Variants in RASGRF2 observed in about 807,000 individuals in gnomAD.
RASGRF2 encodes the protein Ras protein specific guanine nucleotide releasing factor 2.
Under a neutral mutation model 151.0 loss-of-function variants are expected in RASGRF2, and 76 were observed. That is an observed-to-expected ratio of 0.50 (90% CI 0.42 to 0.61). The LOEUF (loss-of-function observed/expected upper bound fraction) is 0.61, where lower values mean the gene tolerates loss of function less well. Among genes scored for constraint, RASGRF2 ranks in the 20% least tolerant of loss-of-function variants. The pLI is 0.00. For synonymous variants in RASGRF2, 504 were observed against 566.5 expected, an observed-to-expected ratio of 0.89 and a Z score of 1.57; for missense variants, 1,148 against 1,564.6, an observed-to-expected ratio of 0.73 and a Z score of 4.49.
At chr5:81,015,157 C>A (rs1247356352) in intron 1 of RASGRF2, among the ~76,000 whole-genome samples, 1 of 152,094 alleles carries the variant, frequency 6.6e-6, no homozygotes, top group Non-Finnish European at 1.5e-5. Flanking sequence ...TTATTTCAAT[C>A]GGCACACTAC....
intron 16 of RASGRF2, among the ~76,000 whole-genome samples, chr5:81,125,325 C>G (rs576817003): frequency 1.3e-3 from 197 of 152,290 alleles, no homozygotes; most frequent in Non-Finnish European, 2.1e-3. Flanking sequence ...GCTCTGAGAG[C>G]AACTAGGAAG....
intron 2 of RASGRF2, among the ~76,000 whole-genome samples, chr5:81,051,497 C>G (rs1751009662): frequency 1.3e-5 from 2 of 152,158 alleles, no homozygotes; most frequent in African/African-American, 4.8e-5. Context: ...TCCCCACTTC[C>G]CCTAGCTCTA....
chr5:80,971,819 C>T (rs1747944758), intron 1 of RASGRF2, among the ~76,000 whole-genome samples: 2 of 152,090 alleles, frequency 1.3e-5, no homozygotes, highest in Non-Finnish European at 1.5e-5. Flanking sequence ...ATCTGCTCCC[C>T]CTTGGCCTCC....
In RASGRF2 at chr5:80,985,544, G is replaced by A. The variant is rs572006743; in HGVS notation, c.288+24518G>A. On this transcript the variant is annotated intron_variant, in intron 1 of 26. Transcript: ENST00000265080. Reference sequence around the variant, plus strand: ...AGCATTAGCCCCAGAGATTAGTCACGTGTTGCAAACAAATTGTTTTGGTAG... The same window carrying A: ...AGCATTAGCCCCAGAGATTAGTCACATGTTGCAAACAAATTGTTTTGGTAG... Among the ~76,000 whole-genome samples, 38 of 152,280 alleles carry A rather than the reference G, an allele frequency of 2.5e-4. No homozygotes were observed. In the South Asian group the frequency reaches 7.3e-3, roughly 29 times the overall value.
intron 13 of RASGRF2, 59 bp downstream of exon 13, chr5:81,109,137 A>G (rs550344910): frequency 1.3e-6 from 2 of 1,567,974 alleles, no homozygotes; most frequent in African/African-American, 2.7e-5. Flanking sequence ...CGGAACATGT[A>G]AAACCTTGAA....
At chr5:81,034,804 T>TGGGGGGG (rs3991135) in intron 1 of RASGRF2, among the ~76,000 whole-genome samples, 3 of 89,284 alleles carry the variant, frequency 3.4e-5, no homozygotes, top group African/African-American at 4.6e-5. Context: ...TGTTGTGGGG[T>TGGGGGGG]GGGAGGGGGG....
At chr5:81,168,859 C>T (rs997106389) in intron 17 of RASGRF2, among the ~76,000 whole-genome samples, 18 of 152,180 alleles carry the variant, frequency 1.2e-4, no homozygotes, top group East Asian at 1.9e-4. Flanking sequence ...TTTGACACAG[C>T]GATCACTTCT....
chr5:80,989,172 T>C (rs192319787), intron 1 of RASGRF2, among the ~76,000 whole-genome samples: 2 of 152,142 alleles, frequency 1.3e-5, no homozygotes, highest in Non-Finnish European at 2.9e-5. Context: ...GGTTTCTCCA[T>C]GTTGGCCAGG....
rs1751839710 is a variant in RASGRF2 at position 81,073,396 on chromosome 5, C to T, written c.831C>T (p.Ala277=). 1.2e-6 allele frequency: 2 copies of T among 1,614,142 alleles called. No homozygotes were observed. The highest frequency in any genetic ancestry group is 2.7e-5 in the African/African-American group (2 of 75,036). ...NGFLRPLRMA[A]SSKKPPISHD... ...TTCTCCGGCCCCTGCGTATGGCCGCCAGCTCCAAGAAGCCCCCCATCAGCC... is the reference window on the plus strand; with the variant it reads ...TTCTCCGGCCCCTGCGTATGGCCGCTAGCTCCAAGAAGCCCCCCATCAGCC... Residue 277 remains alanine, a synonymous_variant, in exon 5 of 27, where the codon GCC becomes GCT. Coordinates refer to ENST00000265080, the MANE Select transcript of RASGRF2 (RefSeq NM_006909.3).
rs773173950 is a variant in RASGRF2, at chr5:81,214,313, G to C, written c.3355-1563G>C. On this transcript the variant is annotated intron_variant, in intron 23 of 26. Coordinates refer to ENST00000265080, the MANE Select transcript of RASGRF2 (RefSeq NM_006909.3). ...CTCACAGTGGCCTTAGCATGGGCTA[G>C]TGGACTGTCCCCCAGAGAGGCTGTC... Among the ~76,000 whole-genome samples the C allele has an allele frequency of 6.8e-4, 104 of 152,354 alleles. 1 individual carries two copies. Among genetic ancestry groups the C allele is most frequent in the Non-Finnish European group, 2.9e-4 (20 of 68,032 alleles).
intron 1 of RASGRF2, among the ~76,000 whole-genome samples, chr5:80,972,077 A>C (rs892589714): frequency 1.3e-5 from 2 of 152,020 alleles, no homozygotes; most frequent in Admixed American, 6.6e-5. Flanking sequence ...GAGTATACAA[A>C]GATTTCTTTA....
At chr5:80,967,127 G>A (rs35766440) in intron 1 of RASGRF2, among the ~76,000 whole-genome samples, 28,769 of 152,108 alleles carry the variant, frequency 0.19, 3,074 homozygotes, top group South Asian at 0.28. Flanking sequence ...AGTGGCTCAC[G>A]CCTATAATCC....
At chr5:81,095,097 A>G (rs910579711) in intron 12 of RASGRF2, 105 bp downstream of exon 12, 1 of 814,412 alleles carries the variant, frequency 1.2e-6, no homozygotes, top group Admixed American at 4.2e-5. Flanking sequence ...AATTACACTC[A>G]GTTGCTATGG....
rs116066438 is a variant in RASGRF2 at position 81,075,329 on chromosome 5, G to A, written c.887+1877G>A. On this transcript the variant is annotated intron_variant, in intron 5 of 26. Coordinates refer to ENST00000265080, the MANE Select transcript of RASGRF2 (RefSeq NM_006909.3). ...ATGTGTGAAAACATGTTGCAAGGGT[G>A]CAATGGGCAGCACAGCAGAGAAGGG... Among the ~76,000 whole-genome samples, 822 of 152,334 alleles carry A rather than the reference G, an allele frequency of 5.4e-3. 8 individuals carry two copies. The highest frequency in any genetic ancestry group is 0.019 in the African/African-American group (781 of 41,584).
chr5:81,062,012 A>AC (rs1253281943), intron 2 of RASGRF2, among the ~76,000 whole-genome samples: 7 of 148,718 alleles, frequency 4.7e-5, no homozygotes, highest in Admixed American at 1.3e-4. Context: ...AAAAAAAAAA[A>AC]AAAAAAAAAA....
At chr5:81,012,376 C>A (rs1749491707) in intron 1 of RASGRF2, among the ~76,000 whole-genome samples, 2 of 152,092 alleles carry the variant, frequency 1.3e-5, no homozygotes, top group South Asian at 4.1e-4. Context: ...GAACAGTTTT[C>A]CAGTGCATTA....
chr5:81,168,130 G>A (rs184859245), intron 17 of RASGRF2, among the ~76,000 whole-genome samples: 3 of 151,852 alleles, frequency 2.0e-5, no homozygotes, highest in East Asian at 3.9e-4. Context: ...CCCTCTCCCC[G>A]AGGCTGTGGA....
At chr5:81,170,673 G>C (rs1240728486) in intron 17 of RASGRF2, among the ~76,000 whole-genome samples, 1 of 152,138 alleles carries the variant, frequency 6.6e-6, no homozygotes, top group East Asian at 1.9e-4. Flanking sequence ...CCCAGCCCGA[G>C]CTAGCTAATG....
intron 1 of RASGRF2, chr5:81,019,375 A>T (rs922147770): frequency 3.3e-5 from 5 of 152,182 alleles, no homozygotes; most frequent in Non-Finnish European, 5.9e-5. Context: ...CTGTGCGTTG[A>T]GATAAGTCAC....
Sources: allele counts gnomAD v4.1 joint callset (sites outside exome capture counted in the v4.1 genomes callset), GRCh38; gene constraint gnomAD v4.1.1; transcripts MANE v1.5; gene names NCBI Gene and HGNC (gene_info 2026-07-23, HGNC 2026-07-21).